The following ZFPM2 variants were observed in gnomAD, a reference collection of about 807,000 sequenced individuals.
ZFPM2 encodes zinc finger protein, FOG family member 2, also known as zinc finger protein ZFPM2.
In ZFPM2, 20 loss-of-function variants were observed where a neutral mutation model predicts 98.6. The observed-to-expected ratio is 0.20, with a 90% CI of 0.14 to 0.29. The LOEUF (loss-of-function observed/expected upper bound fraction) is 0.29, where lower values mean the gene tolerates loss of function less well. Ranked by LOEUF, ZFPM2 falls within the 10% of genes least tolerant of loss-of-function variation. ZFPM2 has a pLI of 1.00. For missense variants in ZFPM2, 1,310 were observed against 1,388.6 expected, an observed-to-expected ratio of 0.94 and a Z score of 0.90; for synonymous variants, 518 against 502.7, an observed-to-expected ratio of 1.03 and a Z score of -0.41.
intron 1 of ZFPM2, among the ~76,000 whole-genome samples, chr8:105,325,521 A>C (rs185020538): frequency 6.6e-6 from 1 of 151,904 alleles, no homozygotes; most frequent in African/African-American, 2.4e-5. Flanking sequence ...TTGTTGTTAC[A>C]TCAGCAAAAT....
At chr8:105,664,149 C>A (rs1350154274) in intron 5 of ZFPM2, among the ~76,000 whole-genome samples, 1 of 152,112 alleles carries the variant, frequency 6.6e-6, no homozygotes. Flanking sequence ...GAAACTGTAT[C>A]GATGACTTTT....
chr8:105,718,179 G>T (rs556485196), intron 5 of ZFPM2, among the ~76,000 whole-genome samples: 2 of 151,922 alleles, frequency 1.3e-5, no homozygotes, highest in Non-Finnish European at 2.9e-5. Context: ...CAATGTCTTG[G>T]TCCCTGACTG....
chr8:105,692,414 G>A (rs1482844114), intron 5 of ZFPM2, among the ~76,000 whole-genome samples: 2 of 152,136 alleles, frequency 1.3e-5, no homozygotes, highest in African/African-American at 2.4e-5. Context: ...GCTTATGGAT[G>A]TGCAAATACA....
chr8:105,659,254 GA>G (rs953237326), intron 5 of ZFPM2, among the ~76,000 whole-genome samples: 17 of 145,612 alleles, frequency 1.2e-4, no homozygotes, highest in East Asian at 4.0e-4. Flanking sequence ...ATGTTAAAAA[GA>G]AAAAAAAAAG....
intron 3 of ZFPM2, among the ~76,000 whole-genome samples, chr8:105,461,717 CCGGTTA>C (rs984223609): frequency 1.3e-5 from 2 of 152,004 alleles, no homozygotes; most frequent in African/African-American, 4.8e-5. Context: ...TTACTGTGTG[CCGGTTA>C]CTGTTATAGG....
At chr8:105,546,785 G>C (rs1331119958) in intron 3 of ZFPM2, among the ~76,000 whole-genome samples, 1 of 152,118 alleles carries the variant, frequency 6.6e-6, no homozygotes, top group Non-Finnish European at 1.5e-5. Context: ...TAGTGCTCAA[G>C]ATGGTTAGCA....
At chr8:105,668,215 C>T (rs116484790) in intron 5 of ZFPM2, among the ~76,000 whole-genome samples, 128 of 152,292 alleles carry the variant, frequency 8.4e-4, no homozygotes, top group African/African-American at 2.9e-3. Flanking sequence ...CCTTCACTAC[C>T]CATTCTGATC....
intron 5 of ZFPM2, among the ~76,000 whole-genome samples, chr8:105,744,774 A>G (rs944638372): frequency 6.6e-6 from 1 of 152,132 alleles, no homozygotes; most frequent in Non-Finnish European, 1.5e-5. Context: ...CAAGTAGTGC[A>G]TGGCACATTT....
At chr8:105,706,073 T>C (rs1811252644) in intron 5 of ZFPM2, among the ~76,000 whole-genome samples, 1 of 152,098 alleles carries the variant, frequency 6.6e-6, no homozygotes, top group Non-Finnish European at 1.5e-5. Flanking sequence ...TATATATTTA[T>C]CCCCATTTTA....
chr8:105,403,552 A>G (rs1811380901), intron 1 of ZFPM2, among the ~76,000 whole-genome samples: 1 of 151,950 alleles, frequency 6.6e-6, no homozygotes, highest in East Asian at 1.9e-4. Flanking sequence ...TTATAAAGTA[A>G]TTATTTTAAG....
chr8:105,699,022 A>G (rs1207749756), intron 5 of ZFPM2, among the ~76,000 whole-genome samples: 3 of 152,182 alleles, frequency 2.0e-5, no homozygotes, highest in African/African-American at 4.8e-5. Flanking sequence ...GCAAGTAAAA[A>G]TGAGCACATA....
intron 3 of ZFPM2, among the ~76,000 whole-genome samples, chr8:105,524,049 T>C (rs547992594): frequency 2.6e-5 from 4 of 152,290 alleles, no homozygotes; most frequent in African/African-American, 9.6e-5. Context: ...CTGTATCAAG[T>C]AATATATGAA....
In ZFPM2 at chr8:105,413,482, T is replaced by TTTTA. The variant is rs1227659350; in HGVS notation, c.41-5661_41-5660insTTAT. Among the ~76,000 whole-genome samples, 563 of 140,006 alleles carry TTTTA rather than the reference T, an allele frequency of 4.0e-3. 3 individuals are homozygous for TTTTA. Among genetic ancestry groups the TTTTA allele is most frequent in the African/African-American group, 0.014 (537 of 38,026 alleles). The allele number at this position is 140,006 out of a possible 152,430, so 91.8% of individuals were successfully genotyped here. A position where few individuals can be genotyped will look rare whatever the true frequency, so the allele number is the denominator to read the frequency against. On this transcript the variant is annotated intron_variant, in intron 1 of 7. Transcript: ENST00000407775. ...CGATTATGATGTCACAATTCAAACA[T>TTTTA]TATATATATATATATATATATATAT...
chr8:105,521,549 G>T (rs1017633364), intron 3 of ZFPM2, among the ~76,000 whole-genome samples: 1 of 151,670 alleles, frequency 6.6e-6, no homozygotes, highest in Non-Finnish European at 1.5e-5. Flanking sequence ...TTAAGGGCAA[G>T]AATTTGAAGA....
chr8:105,656,947 G>C (rs959323288), intron 5 of ZFPM2, among the ~76,000 whole-genome samples: 1 of 152,104 alleles, frequency 6.6e-6, no homozygotes, highest in African/African-American at 2.4e-5. Context: ...GAAATATTTG[G>C]TGGATGAATA....
At chr8:105,322,398 C>T (rs527451491) in intron 1 of ZFPM2, among the ~76,000 whole-genome samples, 2 of 149,906 alleles carry the variant, frequency 1.3e-5, no homozygotes, top group South Asian at 4.2e-4. Flanking sequence ...ATGTCCCCAA[C>T]TCCAGTCACA....
intron 1 of ZFPM2, among the ~76,000 whole-genome samples, chr8:105,408,421 G>A (rs960067170): frequency 6.6e-6 from 1 of 151,826 alleles, no homozygotes; most frequent in Non-Finnish European, 1.5e-5. Flanking sequence ...GTTGATATGT[G>A]TCCTAGGGCA....
chr8:105,374,570 G>A (rs1336741582), intron 1 of ZFPM2, among the ~76,000 whole-genome samples: 1 of 151,956 alleles, frequency 6.6e-6, no homozygotes, highest in African/African-American at 2.4e-5. Context: ...ATTTTTTGTC[G>A]AGATGGGATC....
chr8:105,578,091 A>G (rs901680089), intron 4 of ZFPM2, among the ~76,000 whole-genome samples: 4 of 152,132 alleles, frequency 2.6e-5, no homozygotes, highest in African/African-American at 2.4e-5. Context: ...CAAATCCTAC[A>G]TACCACTCAA....
Sources: gnomAD v4.1 joint callset for allele counts (sites outside exome capture counted in the v4.1 genomes callset) on GRCh38, gnomAD v4.1.1 for gene constraint, MANE v1.5 for transcripts, NCBI Gene and HGNC (gene_info 2026-07-23, HGNC 2026-07-21) for gene names.